Variants in FNBP1L observed in about 807,000 individuals in gnomAD.
The protein encoded by FNBP1L is formin-binding protein 1-like.
In FNBP1L, 36 loss-of-function variants were observed where a neutral mutation model predicts 91.2. The ratio of observed to expected loss-of-function variants is 0.39; its 90% CI spans 0.30 to 0.52. The LOEUF is 0.52. Among genes scored for constraint, FNBP1L ranks in the 20% least tolerant of loss-of-function variants. The probability of loss-of-function intolerance (pLI) is 0.66; values close to 1 mark genes in which losing one functional copy is unlikely to be tolerated. For missense variants in FNBP1L, 571 were observed against 732.1 expected (o/e 0.78, Z 2.54); for synonymous variants, 242 against 237.0 (o/e 1.02, Z -0.19).
intron 2 of FNBP1L, among the ~76,000 whole-genome samples, chr1:93,509,228 G>T (rs188825196): frequency 7.0e-4 from 106 of 152,296 alleles, no homozygotes; most frequent in Admixed American, 1.4e-3. Flanking sequence ...ATCATGCAAA[G>T]TCAGCTACAA....
In FNBP1L at chr1:93,534,803, T is replaced by C; in HGVS notation, c.885T>C (p.Ser295=). 6.4e-7 allele frequency: 1 copy of C among 1,573,260 alleles called. No individual in the cohort carries two copies. Among genetic ancestry groups the C allele is most frequent in the South Asian group, 1.2e-5 (1 of 85,496 alleles). Residue 295 remains serine, a synonymous_variant, in exon 9 of 17, where the codon TCT becomes TCC. Coordinates refer to ENST00000271234, the MANE Select transcript of FNBP1L (RefSeq NM_001164473.3). ...DYSQHIYRTI[S]DGTISASKQE... The stretch of plus-strand genomic sequence containing the variant: ...GTCAACATATATATAGAACCATTTC[T>C]GATGGGACTATCAGTGCATCCAAAC...
chr1:93,448,151 C>G lies in FNBP1L; in HGVS notation c.-131C>G. ...CTTTCTCACTCACTGGGGAGCCCGG[C>G]GGTGGCGGCACCTTTCGAGGTAGAC... On this transcript the variant is annotated 5_prime_UTR_variant, in exon 1 of 17. Transcript: ENST00000271234. The G allele has an allele frequency of 2.6e-6, 3 of 1,160,452 alleles. No homozygotes were observed. In the South Asian group the frequency reaches 4.4e-5, roughly 17 times the overall value. The allele number at this position is 1,160,452 out of a possible 1,614,324, so 71.9% of individuals were successfully genotyped here.
At chr1:93,546,588 C>T (rs934813778) in intron 12 of FNBP1L, among the ~76,000 whole-genome samples, 5 of 151,960 alleles carry the variant, frequency 3.3e-5, no homozygotes, top group Non-Finnish European at 7.4e-5. Context: ...AATAAAATTC[C>T]TTGTTTAGAA....
chr1:93,510,118 A>G (rs1049721226), intron 2 of FNBP1L, among the ~76,000 whole-genome samples: 4 of 152,216 alleles, frequency 2.6e-5, no homozygotes, highest in African/African-American at 7.2e-5. Flanking sequence ...CCACAGCTCA[A>G]GGAGGCCTGC....
chr1:93,535,724 T>A (rs1178755720), intron 9 of FNBP1L, among the ~76,000 whole-genome samples: 1 of 152,052 alleles, frequency 6.6e-6, no homozygotes, highest in African/African-American at 2.4e-5. Flanking sequence ...TTTATGCTTT[T>A]AATCATATTG....
intron 2 of FNBP1L, among the ~76,000 whole-genome samples, chr1:93,517,210 A>AT (rs1160416675): frequency 6.6e-6 from 1 of 151,770 alleles, no homozygotes; most frequent in Non-Finnish European, 1.5e-5. Context: ...TGCCTGGCTA[A>AT]TTTTTTTGTA....
intron 6 of FNBP1L, among the ~76,000 whole-genome samples, chr1:93,530,416 C>T (rs1208133174): frequency 6.6e-6 from 1 of 152,152 alleles, no homozygotes; most frequent in Non-Finnish European, 1.5e-5. Context: ...CACACTGTTT[C>T]AAGCTATAAT....
At chr1:93,551,475 CA>C (rs1258752751) in intron 16 of FNBP1L, 1 of 989,610 alleles carries the variant, frequency 1.0e-6, no homozygotes, top group African/African-American at 1.7e-5. Context: ...TCAGAAAACA[CA>C]GTGACTTTAG....
In FNBP1L at chr1:93,523,372, A is replaced by G; in HGVS notation, c.223A>G (p.Ile75Val). The change falls in exon 4 of 17, where the codon ATC becomes GTC. Residue 75 changes from isoleucine to valine, a missense_variant. By Grantham distance (29) the Ile-to-Val change is conservative (BLOSUM62 3). Coordinates refer to ENST00000271234, the MANE Select transcript of FNBP1L (RefSeq NM_001164473.3). The part of the protein sequence containing the change: ...RFTSCVAFFN[I>V]LNELNDYAGQ... ...TACCTCGTGTGTAGCCTTTTTTAAT[A>G]TCCTTAATGAGTTAAATGACTATGC... 1.2e-6 allele frequency: 2 copies of G among 1,607,396 alleles called. No homozygotes were observed. Among genetic ancestry groups the G allele is most frequent in the East Asian group, 2.2e-5 (1 of 44,800 alleles).
At chr1:93,477,263 C>T (rs1669529179) in intron 1 of FNBP1L, among the ~76,000 whole-genome samples, 1 of 152,146 alleles carries the variant, frequency 6.6e-6, no homozygotes, top group African/African-American at 2.4e-5. Flanking sequence ...CTAATTATTA[C>T]AAAGTGAGTG....
rs1167278190 is a variant in FNBP1L, at chr1:93,554,594, A to G, written c.*2178A>G. On this transcript the variant is annotated 3_prime_UTR_variant, in exon 17 of 17. Transcript: ENST00000271234. Reference sequence around the variant, plus strand: ...TTGATTTCTTAATGGTAAATCCTTCATTTAAAGATAGTGTTCTCTGTTGAG... The same window carrying G: ...TTGATTTCTTAATGGTAAATCCTTCGTTTAAAGATAGTGTTCTCTGTTGAG... The G allele has an allele frequency of 2.0e-5, 3 of 152,630 alleles. No individual in the cohort carries two copies. The highest frequency in any genetic ancestry group is 2.9e-5 in the Non-Finnish European group (2 of 68,046). 9.5% of individuals were successfully genotyped at this position (152,630 alleles called of 1,614,324 possible).
chr1:93,468,637 C>A (rs925920648), intron 1 of FNBP1L, among the ~76,000 whole-genome samples: 1 of 152,112 alleles, frequency 6.6e-6, no homozygotes, highest in Non-Finnish European at 1.5e-5. Context: ...TGCCATGTTG[C>A]CCAGGCTGGT....
intron 16 of FNBP1L, 73 bp downstream of exon 16, chr1:93,551,178 G>C: frequency 7.0e-7 from 1 of 1,436,672 alleles, no homozygotes; most frequent in Non-Finnish European, 9.2e-7. Flanking sequence ...AACATAAAAT[G>C]AAAACACATT....
At chr1:93,516,107 T>A (rs937964174) in intron 2 of FNBP1L, among the ~76,000 whole-genome samples, 1 of 152,184 alleles carries the variant, frequency 6.6e-6, no homozygotes, top group African/African-American at 2.4e-5. Flanking sequence ...TACAATATTA[T>A]TGTAAAAGTT....
At chr1:93,489,764 T>C (rs964332754) in intron 1 of FNBP1L, among the ~76,000 whole-genome samples, 4 of 152,232 alleles carry the variant, frequency 2.6e-5, no homozygotes, top group Non-Finnish European at 1.5e-5. Flanking sequence ...CTACAATATT[T>C]CTCAATTTTC....
chr1:93,546,391 G>A (rs986055234), intron 12 of FNBP1L, among the ~76,000 whole-genome samples: 3 of 152,032 alleles, frequency 2.0e-5, no homozygotes, highest in African/African-American at 7.2e-5. Flanking sequence ...TTGGGTGGGG[G>A]CAAGTTAAAG....
intron 2 of FNBP1L, among the ~76,000 whole-genome samples, chr1:93,521,328 C>T (rs1276154664): frequency 6.6e-6 from 1 of 152,112 alleles, no homozygotes; most frequent in African/African-American, 2.4e-5. Context: ...GAGATGGTGA[C>T]AAACTGTTCT....
intron 11 of FNBP1L, among the ~76,000 whole-genome samples, chr1:93,543,038 C>T (rs545132335): frequency 7.4e-4 from 112 of 152,194 alleles, no homozygotes; most frequent in African/African-American, 2.6e-3. Flanking sequence ...AGGTGATCCA[C>T]CCGCCTCAGC....
intron 1 of FNBP1L, among the ~76,000 whole-genome samples, chr1:93,454,564 A>C (rs1488473158): frequency 6.6e-6 from 1 of 152,178 alleles, no homozygotes; most frequent in Non-Finnish European, 1.5e-5. Context: ...TTCCTTTAAT[A>C]ATATGTTACT....
Sources: allele counts gnomAD v4.1 joint callset (sites outside exome capture counted in the v4.1 genomes callset), GRCh38; gene constraint gnomAD v4.1.1; transcripts MANE v1.5; gene names NCBI Gene and HGNC (gene_info 2026-07-23, HGNC 2026-07-21).